HEBP2: variants seen among roughly 807,000 people sequenced by gnomAD.
The protein encoded by HEBP2 is heme binding protein 2.
Under a neutral mutation model 23.1 loss-of-function variants are expected in HEBP2, and 27 were observed. The ratio of observed to expected loss-of-function variants is 1.17; its 90% CI spans 0.86 to 1.61. The LOEUF (loss-of-function observed/expected upper bound fraction) is 1.61. Ranked by LOEUF, HEBP2 falls within the 40% of genes most tolerant of loss-of-function variation. The pLI is 0.00. For missense variants in HEBP2, 245 were observed against 253.8 expected (o/e 0.97, Z 0.24); for synonymous variants, 99 against 95.1 (o/e 1.04, Z -0.24).
chr6:138,412,635 T>G (rs1482012612), intron 3 of HEBP2, among the ~76,000 whole-genome samples: 3 of 151,964 alleles, frequency 2.0e-5, no homozygotes, highest in African/African-American at 7.3e-5. Flanking sequence ...TGTATTTTTA[T>G]TAGAGATGGG....
In HEBP2 at chr6:138,417,499, T is replaced by C. The variant is rs983203902; in HGVS notation, c.*4421T>C. ...ATGGTTTTCAGACACTGAAAGTTCA[T>C]AGTACAGGACTGTGATCTCTGCGAG... On this transcript the variant is annotated 3_prime_UTR_variant, in exon 4 of 4. Transcript: ENST00000607197. 2 of 152,198 alleles carry C rather than the reference T, an allele frequency of 1.3e-5. No homozygotes were observed. The highest frequency in any genetic ancestry group is 6.5e-5 in the Admixed American group (1 of 15,280). 9.4% of individuals were successfully genotyped at this position (152,198 alleles called of 1,614,324 possible). A position where few individuals can be genotyped will look rare whatever the true frequency, so the allele number is the denominator to read the frequency against.
In HEBP2 at chr6:138,413,893, A is replaced by T. The variant is rs1407568060; in HGVS notation, c.*815A>T. 6.6e-6 allele frequency: 1 copy of T among 152,254 alleles called. No individual in the cohort carries two copies. Among genetic ancestry groups the T allele is most frequent in the Non-Finnish European group, 1.5e-5 (1 of 68,058 alleles). The allele number at this position is 152,254 out of a possible 1,614,324, so 9.4% of individuals were successfully genotyped here. ...CCTTAACTATTTCATTCACCCTCCC[A>T]CTGTGAACACCACAGACAAGGCCCC... On this transcript the variant is annotated 3_prime_UTR_variant, in exon 4 of 4. Coordinates refer to ENST00000607197, the MANE Select transcript of HEBP2 (RefSeq NM_014320.3).
At chr6:138,404,637 T>TC (rs1302761098) in intron 1 of HEBP2, 40 bp downstream of exon 1, 2 of 1,221,218 alleles carry the variant, frequency 1.6e-6, no homozygotes, top group Non-Finnish European at 2.1e-6. Flanking sequence ...GGGCCCGCCT[T>TC]CCGGCTGATT....
upstream of HEBP2, chr6:138,403,695 C>A: frequency 2.4e-6 from 1 of 414,032 alleles, no homozygotes. Context: ...TCGGGAAAGC[C>A]CTGGTAACCA....
Position 138,404,287 on chromosome 6 carries a change from A to T in HEBP2, c.-209A>T. 3.0e-6 allele frequency: 1 copy of T among 335,160 alleles called. No homozygotes were observed. Among genetic ancestry groups the T allele is most frequent in the Non-Finnish European group, 5.4e-6 (1 of 186,242 alleles). The allele number at this position is 335,160 out of a possible 1,614,324, so 20.8% of individuals were successfully genotyped here. ...CCGGCCGGAGCTGTCCGGGGTCGTG[A>T]GCCGGCCCCGCCTTGGTGGCGGCGC... On this transcript the variant is annotated 5_prime_UTR_variant, in exon 1 of 4. Transcript: ENST00000607197.
At position 138,419,551 on chromosome 6, in the gene HEBP2, A is replaced by G. The variant is rs1303739463; in HGVS notation, c.*6473A>G. On this transcript the variant is annotated 3_prime_UTR_variant, in exon 4 of 4. Transcript: ENST00000607197. ...TCATAGGATCCACTGCTCCTATCAC[A>G]TACTGCGCCACCTAGAAGCTGCTAG... 6.6e-6 allele frequency: 1 copy of G among 151,992 alleles called. No individual in the cohort carries two copies. Among genetic ancestry groups the G allele is most frequent in the African/African-American group, 2.4e-5 (1 of 41,398 alleles). The allele number at this position is 151,992 out of a possible 1,614,324, so 9.4% of individuals were successfully genotyped here. A position where few individuals can be genotyped will look rare whatever the true frequency, so the allele number is the denominator to read the frequency against.
At chr6:138,409,518 C>G (rs1331532983) in intron 3 of HEBP2, among the ~76,000 whole-genome samples, 1 of 152,222 alleles carries the variant, frequency 6.6e-6, no homozygotes, top group Non-Finnish European at 1.5e-5. Flanking sequence ...TGGCACAAGC[C>G]TGACATTCCC....
At chr6:138,409,216 A>G (rs1017791597) in intron 3 of HEBP2, among the ~76,000 whole-genome samples, 1 of 152,004 alleles carries the variant, frequency 6.6e-6, no homozygotes, top group Admixed American at 6.5e-5. Context: ...GGATCTCACT[A>G]TGTTGCCCAG....
At chr6:138,405,841 T>C in intron 2 of HEBP2, 130 bp from the exon 3 acceptor site, 1 of 799,202 alleles carries the variant, frequency 1.3e-6, no homozygotes, top group East Asian at 2.7e-5. Flanking sequence ...TGTTTTAAGA[T>C]GAAAATTATC....
chr6:138,421,091 G>C lies in HEBP2; in HGVS notation c.*8013G>C, dbSNP rs374444555. 6.6e-6 allele frequency: 1 copy of C among 152,200 alleles called. No homozygotes were observed. The highest frequency in any genetic ancestry group is 6.5e-5 in the Admixed American group (1 of 15,282). The allele number at this position is 152,200 out of a possible 1,614,324, so 9.4% of individuals were successfully genotyped here. ...AGAGAAACTGTATTACAGTTACCGA[G>C]TGGCTTATTAAGGAAAGTGGCGCAA... On this transcript the variant is annotated 3_prime_UTR_variant, in exon 4 of 4. Transcript: ENST00000607197.
At position 138,406,102 on chromosome 6, in the gene HEBP2, G is replaced by A. The variant is rs755204692; in HGVS notation, c.370G>A (p.Glu124Lys). The A allele has an allele frequency of 3.1e-6, 5 of 1,613,972 alleles. No individual in the cohort carries two copies. Among genetic ancestry groups the A allele is most frequent in the Non-Finnish European group, 4.2e-6 (5 of 1,179,992 alleles). ...GCAATTTGATCCACCCAGGCCTTTA[G>A]AGTCAGATGTCTTCATTGAAGATAG... is the stretch of plus-strand genomic sequence containing the variant. ...EQQFDPPRPL[E>K]SDVFIEDRAE... The change falls in exon 3 of 4, where the codon GAG (glutamate) becomes AAG (lysine). Residue 124 changes from glutamate (E) to lysine (K), a missense_variant. Transcript: ENST00000607197.
Position 138,406,157 on chromosome 6 carries a change from T to G in HEBP2, c.419+6T>G. ...GAAATGACTGTGTTTGTACGGTAAG[T>G]GGTAGATAATTTATAGCCTTGCTGA... is the stretch of plus-strand genomic sequence containing the variant. On this transcript the variant is annotated splice_donor_region_variant and intron_variant, in intron 3 of 3. Coordinates refer to ENST00000607197, the MANE Select transcript of HEBP2 (RefSeq NM_014320.3). 6.2e-7 allele frequency: 1 copy of G among 1,612,326 alleles called. No individual in the cohort carries two copies. The highest frequency in any genetic ancestry group is 8.5e-7 in the Non-Finnish European group (1 of 1,178,996).
rs963946826 is a variant in HEBP2 at position 138,415,468 on chromosome 6, A to G, written c.*2390A>G. The G allele has an allele frequency of 6.6e-6, 1 of 152,226 alleles. No individual in the cohort carries two copies. Among genetic ancestry groups the G allele is most frequent in the Non-Finnish European group, 1.5e-5 (1 of 68,062 alleles). 9.4% of individuals were successfully genotyped at this position (152,226 alleles called of 1,614,324 possible). On this transcript the variant is annotated 3_prime_UTR_variant, in exon 4 of 4. Coordinates refer to ENST00000607197, the MANE Select transcript of HEBP2 (RefSeq NM_014320.3). ...ACTGGTGGGTGATTTGGGTGTCTCAAATATGGGAAGGGTGGATAAAAGAGA... is the reference window on the plus strand; with the variant it reads ...ACTGGTGGGTGATTTGGGTGTCTCAGATATGGGAAGGGTGGATAAAAGAGA...
At chr6:138,410,239 C>T (rs983272705) in intron 3 of HEBP2, among the ~76,000 whole-genome samples, 5 of 152,088 alleles carry the variant, frequency 3.3e-5, no homozygotes, top group Non-Finnish European at 7.4e-5. Context: ...AAGGCAGGCA[C>T]GTGGGGGTGA....
In HEBP2 at chr6:138,412,865, C is replaced by T. The variant is rs761446959; in HGVS notation, c.420-15C>T. ...TATTAAAATCATTCACGGTTATTTC[C>T]TTTCTCCTTTGTAGGTCTTTCGATG... On this transcript the variant is annotated splice_polypyrimidine_tract_variant and intron_variant, in intron 3 of 3. Coordinates refer to ENST00000607197, the MANE Select transcript of HEBP2 (RefSeq NM_014320.3). 1.5e-5 allele frequency: 24 copies of T among 1,606,186 alleles called. No individual in the cohort carries two copies. The East Asian group carries it at 5.4e-4, about 36-fold the overall frequency.
At chr6:138,406,809 T>C (rs1462914280) in intron 3 of HEBP2, among the ~76,000 whole-genome samples, 1 of 152,174 alleles carries the variant, frequency 6.6e-6, no homozygotes, top group African/African-American at 2.4e-5. Flanking sequence ...GGTGGATCAC[T>C]TGAGCCTGGG....
Position 138,417,264 on chromosome 6 carries a change from A to G in HEBP2, c.*4186A>G, listed in dbSNP as rs1481739613. On this transcript the variant is annotated 3_prime_UTR_variant, in exon 4 of 4. Transcript: ENST00000607197. ...ATCCTTGGCAGGCAGAATAACCCCT[A>G]CATTTGTTCCTTGACCTGTGGGGAA... 1.3e-5 allele frequency: 2 copies of G among 152,194 alleles called. No individual in the cohort carries two copies. Among genetic ancestry groups the G allele is most frequent in the Non-Finnish European group, 1.5e-5 (1 of 68,038 alleles). 9.4% of individuals were successfully genotyped at this position (152,194 alleles called of 1,614,324 possible).
At position 138,420,294 on chromosome 6, in the gene HEBP2, A is replaced by G. The variant is rs1432660257; in HGVS notation, c.*7216A>G. ...TGTGGTTCCAAAACCATTTGCAGGA[A>G]GGTGCTATAGTTGGTCCTACCAAAC... is the stretch of plus-strand genomic sequence containing the variant. On this transcript the variant is annotated 3_prime_UTR_variant, in exon 4 of 4. Transcript: ENST00000607197. 1.3e-5 allele frequency: 2 copies of G among 152,182 alleles called. No individual in the cohort carries two copies. The highest frequency in any genetic ancestry group is 4.8e-5 in the African/African-American group (2 of 41,442). 9.4% of individuals were successfully genotyped at this position (152,182 alleles called of 1,614,324 possible). A position where few individuals can be genotyped will look rare whatever the true frequency, so the allele number is the denominator to read the frequency against.
In HEBP2 at chr6:138,414,573, CTG is replaced by C. The variant is rs1006405171; in HGVS notation, c.*1498_*1499del. On this transcript the variant is annotated 3_prime_UTR_variant, in exon 4 of 4. Transcript: ENST00000607197. ...CTTCAAGAAAGTACCAGCCGCCCAG[CTG>C]TGAGGGGTGTGGTTCGCCGACAGTC... 2.9e-4 allele frequency: 44 copies of C among 152,188 alleles called. No individual in the cohort carries two copies. The highest frequency in any genetic ancestry group is 1.1e-3 in the African/African-American group (44 of 41,440). The allele number at this position is 152,188 out of a possible 1,614,324, so 9.4% of individuals were successfully genotyped here.
Sources: allele counts gnomAD v4.1 joint callset (sites outside exome capture counted in the v4.1 genomes callset), GRCh38; gene constraint gnomAD v4.1.1; transcripts MANE v1.5; gene names NCBI Gene and HGNC (gene_info 2026-07-23, HGNC 2026-07-21).